SRR: variants seen among roughly 807,000 people sequenced by gnomAD.
SRR encodes serine racemase, also known as D-serine ammonia-lyase.
SRR carries 19 observed loss-of-function variants against 32.7 expected under a neutral mutation model. That is an observed-to-expected ratio of 0.58 (90% confidence interval 0.40 to 0.85). The LOEUF is 0.85. Ranked by LOEUF, SRR falls within the 40% of genes least tolerant of loss-of-function variation. SRR has a pLI of 0.00. For synonymous variants in SRR, 142 were observed against 140.9 expected, an observed-to-expected ratio of 1.01 and a Z score of -0.06; for missense variants, 373 against 404.7, an observed-to-expected ratio of 0.92 and a Z score of 0.67.
At chr17:2,315,341 TCAC>T (rs1489222640) in intron 1 of SRR, 1 of 386,170 alleles carries the variant, frequency 2.6e-6, no homozygotes, top group East Asian at 4.3e-5. Flanking sequence ...CCTTCTGTAA[TCAC>T]CATCAGTTAC....
chr17:2,311,996 G>T (rs1465438077), intron 1 of SRR, among the ~76,000 whole-genome samples: 1 of 152,054 alleles, frequency 6.6e-6, no homozygotes, highest in Non-Finnish European at 1.5e-5. Flanking sequence ...GATCACTTGA[G>T]CTCAGGGGTT....
At position 2,323,011 on chromosome 17, in the gene SRR, C is replaced by T. The variant is rs558600858; in HGVS notation, c.595-125C>T. 145 of 948,992 alleles carry T rather than the reference C, an allele frequency of 1.5e-4. 6 individuals are homozygous for T. In the South Asian group the frequency reaches 2.1e-3, roughly 14 times the overall value. The allele number at this position is 948,992 out of a possible 1,614,324, so 58.8% of individuals were successfully genotyped here. On this transcript the variant is annotated intron_variant, in intron 6 of 7. Transcript: ENST00000344595. ...AACTCCTGACCTCAGCTGATCCACC[C>T]GCCTCGGGCTCCCAAAGTGTTGGGA...
intron 1 of SRR, chr17:2,307,487 C>T (rs2075399967): frequency 7.0e-7 from 1 of 1,435,844 alleles, no homozygotes; most frequent in Non-Finnish European, 9.7e-7. Flanking sequence ...GTGGGGATGG[C>T]TATAATGGAT....
Position 2,318,913 on chromosome 17 carries a change from G to C in SRR, c.383G>C (p.Cys128Ser). The change falls in exon 4 of 8, where the codon TGT becomes TCT. Residue 128 changes from cysteine (C) to serine (S), a missense_variant. Cys to Ser is a moderately radical substitution (Grantham distance 112). Transcript: ENST00000344595. The stretch of plus-strand genomic sequence containing the variant: ...GCCTACGGAGCGTCAATTGTATACT[G>C]TGAACCTAGTGATGAGGTAAGGAGA... The part of the protein sequence containing the change: ...IQAYGASIVY[C>S]EPSDESRENV... The C allele has an allele frequency of 6.2e-7, 1 of 1,612,472 alleles. No individual in the cohort carries two copies. Among genetic ancestry groups the C allele is most frequent in the Non-Finnish European group, 8.5e-7 (1 of 1,178,670 alleles).
Position 2,318,468 on chromosome 17 carries a change from T to C in SRR, c.296-358T>C, listed in dbSNP as rs186722550. Among the ~76,000 whole-genome samples, 804 of 148,228 alleles carry C rather than the reference T, an allele frequency of 5.4e-3. 3 individuals are homozygous for C. Among genetic ancestry groups the C allele is most frequent in the Middle Eastern group, 0.014 (4 of 286 alleles). ...CCTGGCTGAACATGTTTCTTTCTTT[T>C]TTTTTTTTTTTTTTGAGACGGAGTC... is the stretch of plus-strand genomic sequence containing the variant. On this transcript the variant is annotated intron_variant, in intron 3 of 7. Coordinates refer to ENST00000344595, the MANE Select transcript of SRR (RefSeq NM_021947.3).
chr17:2,303,789 C>G (rs1368416121), upstream of SRR: 16 of 1,315,910 alleles, frequency 1.2e-5, no homozygotes, highest in Non-Finnish European at 1.4e-5. Context: ...CCACCACAGA[C>G]GGGCGGCGCG....
chr17:2,313,038 C>T (rs1041095421), intron 1 of SRR, among the ~76,000 whole-genome samples: 2 of 152,216 alleles, frequency 1.3e-5, no homozygotes, highest in Non-Finnish European at 2.9e-5. Context: ...GCAAGCCTCC[C>T]GCCTTAGCCT....
chr17:2,323,012 G>A (rs571050022), intron 6 of SRR, 124 bp from the exon 7 acceptor site: 147 of 959,676 alleles, frequency 1.5e-4, no homozygotes, highest in Non-Finnish European at 2.2e-4. Context: ...TGATCCACCC[G>A]CCTCGGGCTC....
At chr17:2,303,660 T>C (rs1042440864), upstream of SRR, 1 of 1,491,056 alleles carries the variant, frequency 6.7e-7, no homozygotes, top group Non-Finnish European at 8.9e-7. Context: ...GGGGCCAGAG[T>C]AGCCAGGATC....
intron 2 of SRR, among the ~76,000 whole-genome samples, chr17:2,317,054 T>C (rs2075479953): frequency 6.6e-6 from 1 of 150,554 alleles, no homozygotes; most frequent in Admixed American, 6.6e-5. Context: ...AAATACAAAA[T>C]GAGCGGGACT....
intron 1 of SRR, among the ~76,000 whole-genome samples, chr17:2,311,996 G>A (rs1465438077): frequency 6.6e-6 from 1 of 152,054 alleles, no homozygotes; most frequent in African/African-American, 2.4e-5. Context: ...GATCACTTGA[G>A]CTCAGGGGTT....
At chr17:2,304,770 A>C (rs2075371160) in intron 1 of SRR, among the ~76,000 whole-genome samples, 1 of 152,108 alleles carries the variant, frequency 6.6e-6, no homozygotes, top group Admixed American at 6.5e-5. Context: ...CAAAAAAAAA[A>C]AAAAGTCAAT....
intron 1 of SRR, chr17:2,307,831 A>C (rs563989439): frequency 8.9e-6 from 6 of 671,428 alleles, no homozygotes; most frequent in South Asian, 8.9e-5. Context: ...CCTAGCTGCT[A>C]CAAAGAAGAT....
At chr17:2,315,461 G>A in intron 1 of SRR, 96 bp from the exon 2 acceptor site, 2 of 1,161,614 alleles carry the variant, frequency 1.7e-6, no homozygotes, top group Non-Finnish European at 2.4e-6. Flanking sequence ...GACACCACAG[G>A]CCCCAGGTCT....
At chr17:2,306,299 G>A (rs1039045840) in intron 1 of SRR, among the ~76,000 whole-genome samples, 3 of 151,762 alleles carry the variant, frequency 2.0e-5, no homozygotes, top group Non-Finnish European at 4.4e-5. Flanking sequence ...CTGGGCGACA[G>A]AGTGAGACTC....
upstream of SRR, chr17:2,303,509 C>T (rs1047591410): frequency 1.5e-6 from 2 of 1,329,110 alleles, no homozygotes; most frequent in South Asian, 2.0e-5. Context: ...GCGGCCCCAG[C>T]GCCTACTGCT....
rs2075418486 is a variant in SRR at position 2,309,472 on chromosome 17, C to T, written c.-5+5455C>T. 2.6e-5 allele frequency among the ~76,000 whole-genome samples: 4 copies of T among 152,186 alleles called. No homozygotes were observed. In the South Asian group the frequency reaches 8.3e-4, roughly 32 times the overall value. On this transcript the variant is annotated intron_variant, in intron 1 of 7. Transcript: ENST00000344595. ...CACTCCTTTATTTTGCTATTTTCCC[C>T]TCAGGTGCAGAGAATTGAGCCAGTC...
rs557591634 is a variant in SRR at position 2,321,712 on chromosome 17, A to T, written c.594+96A>T. The T allele has an allele frequency of 9.4e-5, 104 of 1,105,260 alleles. No homozygotes were observed. The African/African-American group carries it at 1.3e-3, about 14-fold the overall frequency. 68.5% of individuals were successfully genotyped at this position (1,105,260 alleles called of 1,614,324 possible). A position where few individuals can be genotyped will look rare whatever the true frequency, so the allele number is the denominator to read the frequency against. On this transcript the variant is annotated intron_variant, in intron 6 of 7. Transcript: ENST00000344595. Reference sequence around the variant, plus strand: ...ACGTGCTCAACATTCTGCACACATTACCATTCCTTCCCCTTATTCCTTTGG... The same window carrying T: ...ACGTGCTCAACATTCTGCACACATTTCCATTCCTTCCCCTTATTCCTTTGG...
chr17:2,304,067 G>T (rs2075354594), intron 1 of SRR, 50 bp downstream of exon 1: 1 of 200,386 alleles, frequency 5.0e-6, no homozygotes, highest in Non-Finnish European at 9.9e-6. Context: ...TGCGGCGGTG[G>T]CTGCCGTTGC....
Sources: allele counts gnomAD v4.1 joint callset (sites outside exome capture counted in the v4.1 genomes callset), GRCh38; gene constraint gnomAD v4.1.1; transcripts MANE v1.5; gene names NCBI Gene and HGNC (gene_info 2026-07-23, HGNC 2026-07-21).